PCDHA2: variants seen among roughly 807,000 people sequenced by gnomAD.
PCDHA2 encodes protocadherin alpha-2.
PCDHA2 carries 58 observed loss-of-function variants against 66.0 expected under a neutral mutation model. The observed-to-expected ratio is 0.88, with a 90% CI of 0.71 to 1.09. The LOEUF (loss-of-function observed/expected upper bound fraction) is 1.09. Ranked by LOEUF, PCDHA2 falls within the 50% of genes least tolerant of loss-of-function variation. The pLI is 0.00. For missense variants in PCDHA2, 1,267 were observed against 1,242.3 expected (o/e 1.02, Z -0.30); for synonymous variants, 634 against 554.0 (o/e 1.14, Z -2.03).
intron 1 of PCDHA2, among the ~76,000 whole-genome samples, chr5:140,855,657 G>A (rs2043553278): frequency 6.7e-6 from 1 of 149,788 alleles, no homozygotes; most frequent in African/African-American, 2.5e-5. Context: ...GGTTAGGGAA[G>A]AAATCACTAC....
At chr5:140,927,301 C>A in intron 1 of PCDHA2, 3 of 1,614,204 alleles carry the variant, frequency 1.9e-6, no homozygotes, top group Non-Finnish European at 2.5e-6. Context: ...CCCCGAGTTC[C>A]TGACGCCCGG....
chr5:140,969,547 A>C, intron 1 of PCDHA2: 10 of 1,244,334 alleles, frequency 8.0e-6, no homozygotes, highest in Non-Finnish European at 9.8e-6. Flanking sequence ...AGAGGCATGA[A>C]GCCTTGTCCA....
At chr5:140,836,737 A>T in intron 1 of PCDHA2, 1 of 1,603,604 alleles carries the variant, frequency 6.2e-7, no homozygotes, top group South Asian at 1.1e-5. Flanking sequence ...TCTACAGACA[A>T]TGTGAGTCAT....
At chr5:140,978,587 T>C (rs1260706970) in intron 1 of PCDHA2, among the ~76,000 whole-genome samples, 5 of 152,250 alleles carry the variant, frequency 3.3e-5, no homozygotes, top group Admixed American at 6.5e-5. Context: ...GAATGTTCCC[T>C]TAATGGGGCA....
intron 1 of PCDHA2, chr5:140,815,625 G>C (rs1377672978): frequency 2.0e-5 from 3 of 152,002 alleles, no homozygotes; most frequent in African/African-American, 7.2e-5. Context: ...CACCATTACA[G>C]TATTATAGTA....
chr5:140,796,606 A>C lies in PCDHA2; in HGVS notation c.1642A>C (p.Asn548His). ...RDAGVPPLGSNVTLQVFVLDE... is the reference protein window; with the variant it reads ...RDAGVPPLGSHVTLQVFVLDE... ...TGCGGGCGTGCCGCCTCTGGGCAGCAACGTGACGCTGCAGGTGTTCGTGCT... is the reference window on the plus strand; with the variant it reads ...TGCGGGCGTGCCGCCTCTGGGCAGCCACGTGACGCTGCAGGTGTTCGTGCT... Residue 548 changes from asparagine (N) to histidine (H), a missense_variant, in exon 1 of 4, where the codon AAC becomes CAC. By Grantham distance (68) the Asn-to-His change is moderately conservative. Coordinates refer to ENST00000526136, the MANE Select transcript of PCDHA2 (RefSeq NM_018905.3). 6.2e-7 allele frequency: 1 copy of C among 1,613,620 alleles called. No individual in the cohort carries two copies. The highest frequency in any genetic ancestry group is 8.5e-7 in the Non-Finnish European group (1 of 1,179,864).
chr5:140,963,365 T>C (rs2095759439), intron 1 of PCDHA2, among the ~76,000 whole-genome samples: 1 of 152,254 alleles, frequency 6.6e-6, no homozygotes. Flanking sequence ...CAAAGAACAT[T>C]AATTGAGCAC....
intron 1 of PCDHA2, chr5:140,823,361 T>A (rs2150125012): frequency 1.9e-5 from 30 of 1,612,648 alleles, no homozygotes; most frequent in Non-Finnish European, 2.5e-5. Context: ...GAAGTGGAGC[T>A]GCTGCAGTTC....
chr5:140,967,922 G>T (rs782146005), intron 1 of PCDHA2: 1 of 1,614,198 alleles, frequency 6.2e-7, no homozygotes, highest in South Asian at 1.1e-5. Flanking sequence ...CATTGTGGCC[G>T]TTCTCAGTGT....
chr5:140,828,061 T>G (rs2150150481), intron 1 of PCDHA2: 2 of 1,556,836 alleles, frequency 1.3e-6, no homozygotes, highest in East Asian at 4.5e-5. Context: ...CGGAAGATCT[T>G]CTAATGGAAA....
rs537764090 is a variant in PCDHA2 at position 140,925,273 on chromosome 5, AT to A, written c.2389-53672del. Reference sequence around the variant, plus strand: ...ACTTTAATTCTTGATCTGTGTTCAGATTTTGCCTTTCAAATGTTTCATTATT... The same window carrying A: ...ACTTTAATTCTTGATCTGTGTTCAGATTTGCCTTTCAAATGTTTCATTATT... On this transcript the variant is annotated intron_variant, in intron 1 of 3. Transcript: ENST00000526136. Among the ~76,000 whole-genome samples, 1,221 of 152,228 alleles carry A rather than the reference AT, an allele frequency of 8.0e-3. 6 individuals are homozygous for A. Among genetic ancestry groups the A allele is most frequent in the African/African-American group, 0.019 (789 of 41,534 alleles).
At chr5:140,848,691 T>C in intron 1 of PCDHA2, 1 of 1,592,078 alleles carries the variant, frequency 6.3e-7, no homozygotes, top group South Asian at 1.1e-5. Context: ...CCTGTTCCAG[T>C]TGGATTCCAA....
Position 140,993,262 on chromosome 5 carries a change from C to T in PCDHA2, c.2536+10699C>T, listed in dbSNP as rs75542242. ...CTGGGGATTTAGATATATAAATTAG[C>T]TTCTTTGGTCTTTTCTTGCCCAGGG... On this transcript the variant is annotated intron_variant, in intron 3 of 3. Transcript: ENST00000526136. Among the ~76,000 whole-genome samples the T allele has an allele frequency of 6.3e-3, 965 of 152,148 alleles. 15 individuals are homozygous for T. Among genetic ancestry groups the T allele is most frequent in the African/African-American group, 0.023 (934 of 41,492 alleles).
At chr5:140,824,754 C>T (rs2150137148) in intron 1 of PCDHA2, 4 of 151,544 alleles carry the variant, frequency 2.6e-5, no homozygotes, top group Non-Finnish European at 4.4e-5. Flanking sequence ...GCAAGAGTGC[C>T]TGGCCTATAA....
At chr5:140,838,520 T>C (rs1554137093) in intron 1 of PCDHA2, among the ~76,000 whole-genome samples, 1 of 152,024 alleles carries the variant, frequency 6.6e-6, no homozygotes, top group Non-Finnish European at 1.5e-5. Flanking sequence ...ATTTGCATCT[T>C]ATTTTCTTTT....
chr5:140,898,004 T>C (rs2066460029), intron 1 of PCDHA2, among the ~76,000 whole-genome samples: 1 of 152,210 alleles, frequency 6.6e-6, no homozygotes, highest in East Asian at 1.9e-4. Context: ...GAAGTGTCTG[T>C]TCATATCCTT....
chr5:140,996,412 A>G (rs563756317), intron 3 of PCDHA2, among the ~76,000 whole-genome samples: 1 of 152,332 alleles, frequency 6.6e-6, no homozygotes, highest in Admixed American at 6.5e-5. Context: ...TGGGGCAGGC[A>G]GTGTGAAAAC....
chr5:140,885,525 A>G (rs1206570848), intron 1 of PCDHA2, among the ~76,000 whole-genome samples: 4 of 152,128 alleles, frequency 2.6e-5, no homozygotes, highest in Admixed American at 6.6e-5. Flanking sequence ...ATCATTTCAT[A>G]TATTTCCCAA....
intron 1 of PCDHA2, chr5:140,850,551 G>T: frequency 6.3e-7 from 1 of 1,598,324 alleles, no homozygotes; most frequent in Non-Finnish European, 8.6e-7. Context: ...GTCAGTGGGT[G>T]CCACGGGCCC....
Sources: gnomAD v4.1 joint callset for allele counts (sites outside exome capture counted in the v4.1 genomes callset) on GRCh38, gnomAD v4.1.1 for gene constraint, MANE v1.5 for transcripts, NCBI Gene and HGNC (gene_info 2026-07-23, HGNC 2026-07-21) for gene names.